Variants in TTLL5 observed in about 807,000 individuals in gnomAD.
TTLL5 encodes tubulin tyrosine ligase like 5, also known as tubulin polyglutamylase TTLL5.
A neutral mutation model predicts 168.4 loss-of-function variants in TTLL5; 132 were observed. The observed-to-expected ratio is 0.78, with a 90% confidence interval of 0.68 to 0.91. TTLL5 has a LOEUF of 0.91. Ranked by LOEUF, TTLL5 falls within the 40% of genes least tolerant of loss-of-function variation. The pLI is 0.00. For missense variants in TTLL5, 1,545 were observed against 1,581.5 expected, an observed-to-expected ratio of 0.98 and a Z score of 0.39; for synonymous variants, 546 against 558.6, an observed-to-expected ratio of 0.98 and a Z score of 0.32.
chr14:75,904,419 G>C lies in TTLL5; in HGVS notation c.3823+2195G>C, dbSNP rs79860472. 7.1e-4 allele frequency among the ~76,000 whole-genome samples: 108 copies of C among 152,198 alleles called. 1 individual carries two copies. Among genetic ancestry groups the C allele is most frequent in the African/African-American group, 2.6e-3 (106 of 41,534 alleles). On this transcript the variant is annotated intron_variant, in intron 31 of 31. Transcript: ENST00000298832. ...CTGGAGAAGTTCACAAACCCAAGGA[G>C]TTCCCTGACTATACTTCATTTGCGT...
chr14:75,674,304 C>T (rs1350746665), intron 3 of TTLL5, among the ~76,000 whole-genome samples: 8 of 152,156 alleles, frequency 5.3e-5, no homozygotes, highest in Non-Finnish European at 1.2e-4. Context: ...GTTGCTGCCT[C>T]AGTTTTCTGT....
intron 28 of TTLL5, among the ~76,000 whole-genome samples, chr14:75,848,004 G>C (rs1896645435): frequency 6.7e-6 from 1 of 148,242 alleles, no homozygotes; most frequent in Non-Finnish European, 1.5e-5. Context: ...TGATTTCTCT[G>C]GTATTTTCCC....
intron 27 of TTLL5, among the ~76,000 whole-genome samples, chr14:75,816,254 G>C (rs376058633): frequency 6.6e-6 from 1 of 152,116 alleles, no homozygotes; most frequent in African/African-American, 2.4e-5. Flanking sequence ...GTGAAATCCT[G>C]TCTCTACTAA....
At chr14:75,813,184 C>G (rs1894156167) in intron 27 of TTLL5, among the ~76,000 whole-genome samples, 1 of 140,324 alleles carries the variant, frequency 7.1e-6, no homozygotes, top group African/African-American at 2.7e-5. Context: ...AGCATGTTGC[C>G]TGGAACAAGC....
At chr14:75,827,781 A>G (rs1043526707) in intron 28 of TTLL5, among the ~76,000 whole-genome samples, 2 of 119,888 alleles carry the variant, frequency 1.7e-5, no homozygotes, top group Non-Finnish European at 3.2e-5. Context: ...GCTCATTGGC[A>G]TGATCACAGC....
intron 31 of TTLL5, among the ~76,000 whole-genome samples, chr14:75,926,114 G>A (rs113599535): frequency 2.3e-5 from 3 of 133,320 alleles, no homozygotes; most frequent in African/African-American, 8.6e-5. Context: ...GGGAGAGGGA[G>A]AACTTGTCTA....
chr14:75,673,214 G>A (rs1186789027), intron 3 of TTLL5, among the ~76,000 whole-genome samples: 1 of 152,172 alleles, frequency 6.6e-6, no homozygotes, highest in Non-Finnish European at 1.5e-5. Context: ...CTCCTAAAGT[G>A]TTGGGATTAT....
intron 28 of TTLL5, among the ~76,000 whole-genome samples, chr14:75,857,368 A>ATTGG (rs1483611854): frequency 7.2e-6 from 1 of 138,828 alleles, no homozygotes; most frequent in Non-Finnish European, 1.6e-5. Flanking sequence ...AGTGTATTTG[A>ATTGG]TTGGTTGGTT....
At chr14:75,722,501 CATG>C (rs146181800) in intron 12 of TTLL5, among the ~76,000 whole-genome samples, 2,033 of 152,256 alleles carry the variant, frequency 0.013, 37 homozygotes, top group African/African-American at 0.042. Context: ...CCTATCACAT[CATG>C]ATGTTTTGTT....
intron 26 of TTLL5, 68 bp downstream of exon 26, chr14:75,783,598 CATCTCT>C (rs767376436): frequency 8.2e-5 from 126 of 1,543,796 alleles, no homozygotes; most frequent in Non-Finnish European, 1.1e-4. Flanking sequence ...GAAAGGATGT[CATCTCT>C]TCCCTTTGCC....
chr14:75,884,396 G>A (rs2031985421), intron 30 of TTLL5, among the ~76,000 whole-genome samples: 1 of 152,218 alleles, frequency 6.6e-6, no homozygotes, highest in Non-Finnish European at 1.5e-5. Flanking sequence ...ATTTGAAGAC[G>A]CTGCTTGCTA....
Position 75,954,591 on chromosome 14 carries a change from T to G in TTLL5, c.*145T>G. 1 of 812,662 alleles carries G rather than the reference T, an allele frequency of 1.2e-6. No homozygotes were observed. Among genetic ancestry groups the G allele is most frequent in the South Asian group, 1.7e-5 (1 of 60,110 alleles). The allele number at this position is 812,662 out of a possible 1,614,324, so 50.3% of individuals were successfully genotyped here. A position where few individuals can be genotyped will look rare whatever the true frequency, so the allele number is the denominator to read the frequency against. On this transcript the variant is annotated 3_prime_UTR_variant, in exon 32 of 32. Coordinates refer to ENST00000298832, the MANE Select transcript of TTLL5 (RefSeq NM_015072.5). ...CAAAGCCTTCGAGCAGAAGTGGCAGTAGATGGTTGCCAATCAGCCAATGCA... is the reference window on the plus strand; with the variant it reads ...CAAAGCCTTCGAGCAGAAGTGGCAGGAGATGGTTGCCAATCAGCCAATGCA...
At chr14:75,940,869 C>A (rs2034579981) in intron 31 of TTLL5, among the ~76,000 whole-genome samples, 1 of 152,172 alleles carries the variant, frequency 6.6e-6, no homozygotes, top group African/African-American at 2.4e-5. Context: ...AGTATATCTT[C>A]AGAAATGAGT....
chr14:75,889,567 T>A (rs2032286163), intron 30 of TTLL5, among the ~76,000 whole-genome samples: 1 of 152,126 alleles, frequency 6.6e-6, no homozygotes, highest in Non-Finnish European at 1.5e-5. Flanking sequence ...GCCTCACACC[T>A]GTAATCCCAG....
intron 6 of TTLL5, among the ~76,000 whole-genome samples, chr14:75,698,624 C>T (rs1230463341): frequency 1.3e-5 from 2 of 152,090 alleles, no homozygotes; most frequent in Admixed American, 6.5e-5. Flanking sequence ...GAGGGGAGGC[C>T]GGGCATGGTG....
rs762842146 is a variant in TTLL5 at position 75,819,991 on chromosome 14, C to G, written c.3172-16C>G. 2.8e-5 allele frequency: 44 copies of G among 1,582,842 alleles called. No homozygotes were observed. The highest frequency in any genetic ancestry group is 3.3e-5 in the Non-Finnish European group (39 of 1,167,706). On this transcript the variant is annotated splice_polypyrimidine_tract_variant and intron_variant, in intron 27 of 31. Transcript: ENST00000298832. ...AACTCTGTAAAGTCAGGTTATTTCC[C>G]TCGCTTTATTTCTAGGTAACAAACC... is the stretch of plus-strand genomic sequence containing the variant.
chr14:75,691,466 G>A (rs999224985), intron 6 of TTLL5, among the ~76,000 whole-genome samples: 10 of 152,186 alleles, frequency 6.6e-5, no homozygotes, highest in African/African-American at 2.4e-4. Context: ...CTCTACTCTG[G>A]TAGTATTTTA....
At chr14:75,859,391 G>A (rs1182997890) in intron 28 of TTLL5, among the ~76,000 whole-genome samples, 6 of 152,204 alleles carry the variant, frequency 3.9e-5, no homozygotes, top group Non-Finnish European at 1.5e-5. Flanking sequence ...AGGCTATTAA[G>A]AGAATGTAGT....
Position 75,851,154 on chromosome 14 carries a change from C to G in TTLL5, c.3327-12513C>G, listed in dbSNP as rs973518075. Among the ~76,000 whole-genome samples, 3 of 147,176 alleles carry G rather than the reference C, an allele frequency of 2.0e-5. No homozygotes were observed. In the East Asian group the frequency reaches 6.1e-4, roughly 30 times the overall value. On this transcript the variant is annotated intron_variant, in intron 28 of 31. Coordinates refer to ENST00000298832, the MANE Select transcript of TTLL5 (RefSeq NM_015072.5). Reference sequence around the variant, plus strand: ...AAGAACTGCCAAAAGCACATATTATCTTGTGGGAAAATGTTCATAACATTA... The same window carrying G: ...AAGAACTGCCAAAAGCACATATTATGTTGTGGGAAAATGTTCATAACATTA...
Sources: gnomAD v4.1 joint callset for allele counts (sites outside exome capture counted in the v4.1 genomes callset) on GRCh38, gnomAD v4.1.1 for gene constraint, MANE v1.5 for transcripts, NCBI Gene and HGNC (gene_info 2026-07-23, HGNC 2026-07-21) for gene names.